The following MED25 variants were observed in gnomAD, a reference collection of about 807,000 sequenced individuals.
MED25 encodes mediator complex subunit 25.
In MED25, 62 loss-of-function variants were observed where a neutral mutation model predicts 89.4. The observed-to-expected ratio is 0.69, with a 90% confidence interval of 0.57 to 0.86. The LOEUF is 0.86. Ranked by LOEUF, MED25 falls within the 40% of genes least tolerant of loss-of-function variation. The pLI, the probability that MED25 is intolerant of heterozygous loss-of-function variation, is 0.00. For missense variants in MED25, 905 were observed against 1,005.2 expected (o/e 0.90, Z 1.35); for synonymous variants, 449 against 427.9 (o/e 1.05, Z -0.61).
intron 3 of MED25, among the ~76,000 whole-genome samples, chr19:49,820,129 GC>G (rs1378368978): frequency 1.3e-5 from 2 of 151,780 alleles, no homozygotes; most frequent in Non-Finnish European, 2.9e-5. Flanking sequence ...AGCCACTGTT[GC>G]GGGATTCAGG....
rs1221146552 is a variant in MED25, at chr19:49,830,591, C to T, written c.900C>T (p.Gly300=). The change falls in exon 8 of 18, where the codon GGC becomes GGT. Residue 300 remains glycine (G), a synonymous_variant. Transcript: ENST00000312865. This position sits in a 1 kb window ranked among gnomAD's most constrained non-coding sequence, Gnocchi z 4.6. The part of the protein sequence containing the change: ...EAAKNQKAGL[G]PRFSPITPLQ... ...CCAAGAACCAGAAGGCTGGGCTGGG[C>T]CCTCGCTGTGAGTCCTGGAGTGAGG... 6.2e-7 allele frequency: 1 copy of T among 1,614,130 alleles called. No homozygotes were observed. Among genetic ancestry groups the T allele is most frequent in the South Asian group, 1.1e-5 (1 of 91,086 alleles).
intron 13 of MED25, chr19:49,833,995 C>A (rs1010463942): frequency 5.9e-5 from 9 of 152,320 alleles, no homozygotes; most frequent in Admixed American, 2.6e-4. Flanking sequence ...CCCTGTGGTT[C>A]TCTTGGCCTC....
intron 3 of MED25, among the ~76,000 whole-genome samples, chr19:49,822,687 G>C: frequency 9.2e-6 from 1 of 108,556 alleles, no homozygotes; most frequent in South Asian, 3.2e-4. Context: ...TCGCTCTGTT[G>C]TCCAGGCTGA....
At chr19:49,822,279 A>C (rs922262246) in intron 3 of MED25, among the ~76,000 whole-genome samples, 3 of 144,912 alleles carry the variant, frequency 2.1e-5, no homozygotes, top group African/African-American at 7.8e-5. Context: ...AAAAAAAAAA[A>C]AAAAACCATA....
At position 49,829,918 on chromosome 19, in the gene MED25, A is replaced by T. The variant is rs905166588; in HGVS notation, c.658A>T (p.Met220Leu). The change falls in exon 6 of 18, where the codon ATG becomes TTG. Residue 220 changes from methionine (M) to leucine (L), a missense_variant. This residue lies in a region of MED25 where 501 missense variants were observed against 526.9 expected (regional missense o/e 0.95). Transcript: ENST00000312865. The surrounding 1 kb of genome is among the most constrained non-coding windows in gnomAD (Gnocchi z 4.6). ...PTDVSQDPRH[M>L]VLVRGLVLPV... is the part of the protein sequence containing the mutation. Reference sequence around the variant, plus strand: ...AGATGTGAGCCAGGACCCGAGGCACATGGTGCTGGTTCGGGGACTCGTGCT... The same window carrying T: ...AGATGTGAGCCAGGACCCGAGGCACTTGGTGCTGGTTCGGGGACTCGTGCT... 6.2e-6 allele frequency: 10 copies of T among 1,613,274 alleles called. No individual in the cohort carries two copies. The highest frequency in any genetic ancestry group is 7.6e-6 in the Non-Finnish European group (9 of 1,179,856).
rs887032543 is a variant in MED25, at chr19:49,832,035, A to G, written c.1316+14A>G. On this transcript the variant is annotated intron_variant, in intron 11 of 17. Transcript: ENST00000312865. The stretch of plus-strand genomic sequence containing the variant: ...TGGCGAGAACCTGTAGGTGACAGTC[A>G]GGGGCGGGGTGTGGTGGGGCTGGGG... The G allele has an allele frequency of 7.2e-7, 1 of 1,398,252 alleles. No homozygotes were observed. Among genetic ancestry groups the G allele is most frequent in the African/African-American group, 1.4e-5 (1 of 69,124 alleles). 86.6% of individuals were successfully genotyped at this position (1,398,252 alleles called of 1,614,324 possible).
intron 3 of MED25, among the ~76,000 whole-genome samples, chr19:49,822,620 G>A (rs550009776): frequency 1.4e-5 from 2 of 140,312 alleles, no homozygotes; most frequent in South Asian, 4.8e-4. Flanking sequence ...TACACGTCAT[G>A]TCATTATTTC....
chr19:49,836,373 C>A lies in MED25; in HGVS notation c.2113C>A (p.Pro705Thr), dbSNP rs367802464. The A allele has an allele frequency of 8.1e-6, 13 of 1,605,680 alleles. No homozygotes were observed. Among genetic ancestry groups the A allele is most frequent in the Non-Finnish European group, 1.0e-5 (12 of 1,176,474 alleles). The change falls in exon 17 of 18, where the codon CCC (proline) becomes ACC (threonine). Residue 705 changes from proline (P) to threonine (T), a missense_variant. This residue lies in a region of MED25 where 271 missense variants were observed against 258.1 expected (regional missense o/e 1.05). Coordinates refer to ENST00000312865, the MANE Select transcript of MED25 (RefSeq NM_030973.4). This position sits in a 1 kb window ranked among gnomAD's most constrained non-coding sequence, Gnocchi z 5.1. ...GCATCCACCACCTGCCCAGTCCTGG[C>A]CCGCACAACTTCCCCCTCGGGCTCC... ...LLHPPPAQSW[P>T]AQLPPRAPLP...
intron 2 of MED25, 57 bp downstream of exon 2, chr19:49,818,673 G>A (rs575952209): frequency 6.6e-7 from 1 of 1,526,640 alleles, no homozygotes; most frequent in African/African-American, 1.4e-5. Context: ...TGGACTCCTG[G>A]GTCTGAGGGA....
chr19:49,835,108 C>G lies in MED25; in HGVS notation c.1605C>G (p.Asn535Lys). Residue 535 changes from asparagine to lysine, a missense_variant, in exon 14 of 18, where the codon AAC becomes AAG. Coordinates refer to ENST00000312865, the MANE Select transcript of MED25 (RefSeq NM_030973.4). The surrounding 1 kb of genome is among the most constrained non-coding windows in gnomAD (Gnocchi z 6.2). ...LIPYDQSGFV[N>K]GIRQVITNHK... ...CCTACGACCAGAGCGGCTTCGTCAA[C>G]GGCATCCGGCAGGTCATCACCAACC... 1 of 1,614,106 alleles carries G rather than the reference C, an allele frequency of 6.2e-7. No homozygotes were observed. The highest frequency in any genetic ancestry group is 8.5e-7 in the Non-Finnish European group (1 of 1,180,012).
Position 49,829,005 on chromosome 19 carries a change from A to C in MED25, c.440A>C (p.Asn147Thr), listed in dbSNP as rs575908777. ...CACCGGGTCTGCCTCCTCATCTGCA[A>C]CTCACCCCCATACTTGTTGCCTGCT... ...QTHRVCLLIC[N>T]SPPYLLPAVE... is the part of the protein sequence containing the mutation. Residue 147 changes from asparagine (N) to threonine (T), a missense_variant, in exon 5 of 18, where the codon AAC (asparagine) becomes ACC (threonine). Asn to Thr is a moderately conservative substitution (Grantham distance 65). This residue lies in a region of MED25 where 501 missense variants were observed against 526.9 expected (regional missense o/e 0.95). Transcript: ENST00000312865. This position sits in a 1 kb window ranked among gnomAD's most constrained non-coding sequence, Gnocchi z 4.6. The C allele has an allele frequency of 2.0e-5, 32 of 1,613,690 alleles. No homozygotes were observed. The highest frequency in any genetic ancestry group is 2.7e-5 in the Non-Finnish European group (32 of 1,179,944).
chr19:49,829,834 C>T lies in MED25; in HGVS notation c.574C>T (p.Arg192Trp), dbSNP rs201157765. 4.7e-5 allele frequency: 76 copies of T among 1,610,078 alleles called. No homozygotes were observed. The highest frequency in any genetic ancestry group is 6.2e-5 in the Non-Finnish European group (73 of 1,178,546). The change falls in exon 6 of 18, where the codon CGG becomes TGG. Residue 192 changes from arginine to tryptophan, a missense_variant. Physicochemically the swap from Arg to Trp is moderately radical, Grantham distance 101. Transcript: ENST00000312865. The surrounding 1 kb of genome is among the most constrained non-coding windows in gnomAD (Gnocchi z 4.6). ...GTCTCCCCGGAAGCTGCCTGCGCTT[C>T]GGCTTCTGTTTGAGAAGGCAGCCCC... is the stretch of plus-strand genomic sequence containing the variant. ...IVSPRKLPAL[R>W]LLFEKAAPPA... is the part of the protein sequence containing the mutation.
chr19:49,837,669 G>A (rs894331248), downstream of MED25, among the ~76,000 whole-genome samples: 3 of 152,200 alleles, frequency 2.0e-5, no homozygotes, highest in African/African-American at 7.2e-5. Flanking sequence ...CCAGGCCTAC[G>A]TGATGGTAGG....
In MED25 at chr19:49,818,996, T is replaced by G. The variant is rs1220737413; in HGVS notation, c.181-176T>G. Reference sequence around the variant, plus strand: ...TCTGAGGGAGGAGGGGCCGGGGGCCTGGATTCCTGGGTCTGAGGGAGAAGG... The same window carrying G: ...TCTGAGGGAGGAGGGGCCGGGGGCCGGGATTCCTGGGTCTGAGGGAGAAGG... On this transcript the variant is annotated intron_variant, in intron 2 of 17. Coordinates refer to ENST00000312865, the MANE Select transcript of MED25 (RefSeq NM_030973.4). The G allele has an allele frequency of 6.4e-6, 5 of 785,688 alleles. No homozygotes were observed. The East Asian group carries it at 1.4e-4, about 21-fold the overall frequency. 48.7% of individuals were successfully genotyped at this position (785,688 alleles called of 1,614,324 possible). A position where few individuals can be genotyped will look rare whatever the true frequency, so the allele number is the denominator to read the frequency against.
intron 4 of MED25, 141 bp downstream of exon 4, chr19:49,828,688 G>A (rs1401803576): frequency 3.3e-6 from 3 of 919,710 alleles, no homozygotes; most frequent in African/African-American, 1.6e-5. Context: ...CCAGGAGGCT[G>A]CAGGTGTGTC....
chr19:49,818,883 C>A (rs2073959833), intron 2 of MED25: 2 of 564,068 alleles, frequency 3.5e-6, no homozygotes, highest in Non-Finnish European at 3.1e-6. Context: ...AAGGGCTGGG[C>A]GTCTGGACTG....
Position 49,830,634 on chromosome 19 carries a change from G to A in MED25, c.907+36G>A, listed in dbSNP as rs770769176. 6.2e-7 allele frequency: 1 copy of A among 1,612,916 alleles called. No individual in the cohort carries two copies. On this transcript the variant is annotated intron_variant, in intron 8 of 17. Coordinates refer to ENST00000312865, the MANE Select transcript of MED25 (RefSeq NM_030973.4). The surrounding 1 kb of genome is among the most constrained non-coding windows in gnomAD (Gnocchi z 4.6). ...GAGTGAGGATGAAGGGCGGGCAGGG[G>A]CCAGGCAGGCCTCTCTCCACACACT...
chr19:49,828,984 G>C lies in MED25; in HGVS notation c.419G>C (p.Arg140Pro). The change falls in exon 5 of 18, where the codon CGG becomes CCG. Residue 140 changes from arginine to proline, a missense_variant. Physicochemically the swap from Arg to Pro is moderately radical, Grantham distance 103 (BLOSUM62 -2). Transcript: ENST00000312865. Reference sequence around the variant, plus strand: ...TTTCCTGGTAGTGGCCAGACGCACCGGGTCTGCCTCCTCATCTGCAACTCA... The same window carrying C: ...TTTCCTGGTAGTGGCCAGACGCACCCGGTCTGCCTCCTCATCTGCAACTCA... ...KMREQIGQTH[R>P]VCLLICNSPP... 1 of 1,614,052 alleles carries C rather than the reference G, an allele frequency of 6.2e-7. No homozygotes were observed. Among genetic ancestry groups the C allele is most frequent in the African/African-American group, 1.3e-5 (1 of 75,042 alleles).
downstream of MED25, among the ~76,000 whole-genome samples, chr19:49,838,236 G>A (rs2074113176): frequency 6.6e-6 from 1 of 152,218 alleles, no homozygotes; most frequent in African/African-American, 2.4e-5. Context: ...GGCCTTCCCT[G>A]TGTTAGCATA....
Sources: allele counts gnomAD v4.1 joint callset (sites outside exome capture counted in the v4.1 genomes callset), GRCh38; gene constraint gnomAD v4.1.1; regional missense constraint gnomAD v4.1.1; non-coding constraint Gnocchi (gnomAD v3.1); transcripts MANE v1.5; gene names NCBI Gene and HGNC (gene_info 2026-07-23, HGNC 2026-07-21).